Variants in LRRTM4 observed in about 807,000 individuals in gnomAD.
The protein encoded by LRRTM4 is leucine-rich repeat transmembrane neuronal protein 4.
A neutral mutation model predicts 47.6 loss-of-function variants in LRRTM4; 25 were observed. The observed-to-expected ratio is 0.53, with a 90% CI of 0.38 to 0.73. The LOEUF (loss-of-function observed/expected upper bound fraction) is 0.73, where lower values mean the gene tolerates loss of function less well. Ranked by LOEUF, LRRTM4 falls within the 30% of genes least tolerant of loss-of-function variation. LRRTM4 has a pLI of 0.00. For missense variants in LRRTM4, 638 were observed against 713.4 expected (o/e 0.89, Z 1.20); for synonymous variants, 311 against 269.5 (o/e 1.15, Z -1.51).
chr2:77,311,333 T>C (rs892766958), intron 3 of LRRTM4, among the ~76,000 whole-genome samples: 21 of 152,284 alleles, frequency 1.4e-4, no homozygotes, highest in Middle Eastern at 3.4e-3. Flanking sequence ...ACATTTTTCT[T>C]CTGGGGCTCA....
Position 77,381,185 on chromosome 2 carries a change from A to G in LRRTM4, c.1551+137133T>C, listed in dbSNP as rs148108997. ...GAACTGAAGCACAATAAACATATTA[A>G]GACTAGATATAAACTACCTCTTTGT... On this transcript the variant is annotated intron_variant, in intron 3 of 3. Coordinates refer to ENST00000409884, the MANE Select transcript of LRRTM4 (RefSeq NM_001134745.3). 3.1e-3 allele frequency among the ~76,000 whole-genome samples: 470 copies of G among 152,218 alleles called. 2 individuals carry two copies. Among genetic ancestry groups the G allele is most frequent in the African/African-American group, 0.011 (449 of 41,572 alleles).
intron 3 of LRRTM4, among the ~76,000 whole-genome samples, chr2:76,999,759 A>G (rs1487413159): frequency 1.3e-5 from 2 of 152,142 alleles, no homozygotes; most frequent in Non-Finnish European, 2.9e-5. Context: ...ACAGTTTAGA[A>G]TTTCTCTGTC....
chr2:77,486,523 A>T (rs1677916821), intron 3 of LRRTM4, among the ~76,000 whole-genome samples: 1 of 152,220 alleles, frequency 6.6e-6, no homozygotes, highest in African/African-American at 2.4e-5. Context: ...GAATGGATCC[A>T]GTATAATGGC....
rs933858950 is a variant in LRRTM4 at position 77,413,528 on chromosome 2, C to T, written c.1551+104790G>A. On this transcript the variant is annotated intron_variant, in intron 3 of 3. Coordinates refer to ENST00000409884, the MANE Select transcript of LRRTM4 (RefSeq NM_001134745.3). ...CCCTATTCTGGACCAATCATTGTTACCTGTGGAATGGACAGTCCATCTGGC... is the reference window on the plus strand; with the variant it reads ...CCCTATTCTGGACCAATCATTGTTATCTGTGGAATGGACAGTCCATCTGGC... Among the ~76,000 whole-genome samples the T allele has an allele frequency of 1.5e-4, 23 of 152,240 alleles. No individual in the cohort carries two copies. The East Asian group carries it at 3.9e-3, about 26-fold the overall frequency.
chr2:76,982,494 T>G (rs1676646548), intron 3 of LRRTM4, among the ~76,000 whole-genome samples: 1 of 152,042 alleles, frequency 6.6e-6, no homozygotes, highest in Non-Finnish European at 1.5e-5. Flanking sequence ...ATTTTCATAA[T>G]TCTTTGCAAT....
chr2:77,427,895 A>G (rs985476453), intron 3 of LRRTM4, among the ~76,000 whole-genome samples: 2 of 152,150 alleles, frequency 1.3e-5, no homozygotes, highest in African/African-American at 4.8e-5. Context: ...CCATTTACCA[A>G]CTGATACGGT....
At chr2:76,806,696 ATG>A in intron 3 of LRRTM4, among the ~76,000 whole-genome samples, 1 of 152,190 alleles carries the variant, frequency 6.6e-6, no homozygotes, top group East Asian at 1.9e-4. Context: ...GAAGTTAAAA[ATG>A]TGCATAAAAT....
intron 3 of LRRTM4, among the ~76,000 whole-genome samples, chr2:77,057,665 G>C (rs989349954): frequency 5.9e-5 from 9 of 152,070 alleles, no homozygotes; most frequent in South Asian, 2.1e-4. Context: ...CAAGCAAAAC[G>C]CAAGTGCCCT....
rs563747069 is a variant in LRRTM4 at position 76,790,639 on chromosome 2, A to G, written c.1552-41723T>C. 9.2e-5 allele frequency among the ~76,000 whole-genome samples: 14 copies of G among 152,280 alleles called. No homozygotes were observed. In the South Asian group the frequency reaches 2.9e-3, roughly 32 times the overall value. ...TAATTCCCATTGCTATTTCTCGTGG[A>G]TAGCATTAGAGCATCTGAATTTGGG... On this transcript the variant is annotated intron_variant, in intron 3 of 3. Transcript: ENST00000409884.
intron 3 of LRRTM4, among the ~76,000 whole-genome samples, chr2:77,480,608 C>T (rs1677638797): frequency 1.3e-5 from 2 of 152,068 alleles, no homozygotes; most frequent in South Asian, 4.1e-4. Context: ...GCTTACTCCA[C>T]ACTGCCACTA....
At chr2:77,258,284 A>G (rs1415646994) in intron 3 of LRRTM4, among the ~76,000 whole-genome samples, 1 of 152,102 alleles carries the variant, frequency 6.6e-6, no homozygotes. Flanking sequence ...ATAGCTTGAC[A>G]GTTTTCCAAA....
At chr2:76,942,725 A>G (rs1675193083) in intron 3 of LRRTM4, among the ~76,000 whole-genome samples, 1 of 134,168 alleles carries the variant, frequency 7.5e-6, no homozygotes, top group Admixed American at 7.5e-5. Context: ...TACAAAGTAG[A>G]TATACATTTT....
At chr2:77,047,456 G>A (rs973371900) in intron 3 of LRRTM4, among the ~76,000 whole-genome samples, 7 of 151,966 alleles carry the variant, frequency 4.6e-5, no homozygotes, top group Non-Finnish European at 7.4e-5. Context: ...GGTTCCTTCT[G>A]AGAGCTGTGA....
At chr2:77,103,369 T>G (rs1671007487) in intron 3 of LRRTM4, among the ~76,000 whole-genome samples, 1 of 152,098 alleles carries the variant, frequency 6.6e-6, no homozygotes. Context: ...AAATCCAAAT[T>G]TTTCCATCTC....
chr2:76,855,428 G>T (rs1014301233), intron 3 of LRRTM4, among the ~76,000 whole-genome samples: 1 of 152,098 alleles, frequency 6.6e-6, no homozygotes, highest in Non-Finnish European at 1.5e-5. Context: ...TCTACATTTT[G>T]CCTTATTTGA....
chr2:77,105,422 G>A (rs1262589867), intron 3 of LRRTM4, among the ~76,000 whole-genome samples: 5 of 147,924 alleles, frequency 3.4e-5, no homozygotes, highest in South Asian at 2.1e-4. Flanking sequence ...ACCAAACACC[G>A]CATGTTCTGA....
chr2:77,348,362 T>A (rs1671643819), intron 3 of LRRTM4, among the ~76,000 whole-genome samples: 1 of 151,582 alleles, frequency 6.6e-6, no homozygotes, highest in Non-Finnish European at 1.5e-5. Flanking sequence ...AATTTTATTT[T>A]ATACCCTGTA....
intron 3 of LRRTM4, among the ~76,000 whole-genome samples, chr2:77,226,647 A>G (rs909981844): frequency 6.6e-6 from 1 of 151,800 alleles, no homozygotes; most frequent in African/African-American, 2.4e-5. Context: ...CTCAAAAATT[A>G]AATAAGTAAA....
intron 3 of LRRTM4, among the ~76,000 whole-genome samples, chr2:77,033,308 G>T (rs1340926048): frequency 1.3e-5 from 2 of 150,082 alleles, no homozygotes; most frequent in East Asian, 4.0e-4. Flanking sequence ...GACATTTATA[G>T]CTCACTAAAT....
Sources: allele counts gnomAD v4.1 joint callset (sites outside exome capture counted in the v4.1 genomes callset), GRCh38; gene constraint gnomAD v4.1.1; transcripts MANE v1.5; gene names NCBI Gene and HGNC (gene_info 2026-07-23, HGNC 2026-07-21).